Variants in AGMAT observed in about 807,000 individuals in gnomAD.
The protein encoded by AGMAT is agmatinase (putative), also known as guanidino acid hydrolase, mitochondrial.
Under a neutral mutation model 29.3 loss-of-function variants are expected in AGMAT, and 37 were observed. The ratio of observed to expected loss-of-function variants is 1.26; its 90% CI spans 0.97 to 1.66. The LOEUF (loss-of-function observed/expected upper bound fraction) is 1.66, where lower values mean the gene tolerates loss of function less well. Ranked by LOEUF, AGMAT falls within the 40% of genes most tolerant of loss-of-function variation. AGMAT has a pLI of 0.00. For missense variants in AGMAT, 498 were observed against 497.8 expected (o/e 1.00, Z 0.00); for synonymous variants, 199 against 200.8 (o/e 0.99, Z 0.08).
At chr1:15,576,312 G>A (rs1639036218) in intron 5 of AGMAT, among the ~76,000 whole-genome samples, 1 of 151,326 alleles carries the variant, frequency 6.6e-6, no homozygotes. Context: ...ATGTTAGGCT[G>A]GTCTCAAACT....
At position 15,581,643 on chromosome 1, in the gene AGMAT, G is replaced by A. The variant is rs548280562; in HGVS notation, c.476-1501C>T. 6.3e-5 allele frequency among the ~76,000 whole-genome samples: 6 copies of A among 94,564 alleles called. No individual in the cohort carries two copies. In the South Asian group the frequency reaches 1.5e-3, roughly 24 times the overall value. 62.0% of individuals were successfully genotyped at this position (94,564 alleles called of 152,430 possible). A position where few individuals can be genotyped will look rare whatever the true frequency, so the allele number is the denominator to read the frequency against. On this transcript the variant is annotated intron_variant, in intron 2 of 6. Transcript: ENST00000375826. Reference sequence around the variant, plus strand: ...TAATCCCAGCATTTTGGGAAGCTGAGGCGGCGGATCACCTGAGGTCAGGAG... The same window carrying A: ...TAATCCCAGCATTTTGGGAAGCTGAAGCGGCGGATCACCTGAGGTCAGGAG...
rs978562585 is a variant in AGMAT at position 15,571,978 on chromosome 1, C to A, written c.*1673G>T. On this transcript the variant is annotated 3_prime_UTR_variant, in exon 7 of 7. Coordinates refer to ENST00000375826, the MANE Select transcript of AGMAT (RefSeq NM_024758.5). ...TGGCCAACATGGTGAAACCCCGTCT[C>A]TACTAAAAATACAAAAATTAGCCGG... 1.3e-5 allele frequency among the ~76,000 whole-genome samples: 2 copies of A among 151,860 alleles called. No individual in the cohort carries two copies. Among genetic ancestry groups the A allele is most frequent in the African/African-American group, 2.4e-5 (1 of 41,382 alleles).
At position 15,573,522 on chromosome 1, in the gene AGMAT, G is replaced by A. The variant is rs868213035; in HGVS notation, c.*129C>T. 38 of 760,626 alleles carry A rather than the reference G, an allele frequency of 5.0e-5. No homozygotes were observed. In the Middle Eastern group the frequency reaches 3.3e-3, roughly 67 times the overall value. 47.1% of individuals were successfully genotyped at this position (760,626 alleles called of 1,614,324 possible). A position where few individuals can be genotyped will look rare whatever the true frequency, so the allele number is the denominator to read the frequency against. ...TTCTACTGATTATCCCGACTTCACA[G>A]CCAGCAATGACACTTTCAGCAGAAA... On this transcript the variant is annotated 3_prime_UTR_variant, in exon 7 of 7. Transcript: ENST00000375826.
chr1:15,584,119 G>A (rs1464067791), intron 1 of AGMAT, among the ~76,000 whole-genome samples: 1 of 152,200 alleles, frequency 6.6e-6, no homozygotes, highest in Non-Finnish European at 1.5e-5. Flanking sequence ...TGGGGACACA[G>A]AGAAGGTTCA....
At position 15,576,578 on chromosome 1, in the gene AGMAT, T is replaced by C. The variant is rs187833047; in HGVS notation, c.900+1107A>G. 4.1e-3 allele frequency among the ~76,000 whole-genome samples: 609 copies of C among 150,314 alleles called. 4 individuals are homozygous for C. The highest frequency in any genetic ancestry group is 0.014 in the African/African-American group (575 of 40,922). ...CCAAGTAGCTGGGATTACAGACGCC[T>C]GCCACCGTGCCGGGCTGATTTTTGT... is the stretch of plus-strand genomic sequence containing the variant. On this transcript the variant is annotated intron_variant, in intron 5 of 6. Transcript: ENST00000375826.
intron 2 of AGMAT, among the ~76,000 whole-genome samples, chr1:15,582,258 TTC>T (rs1340105684): frequency 2.6e-5 from 4 of 151,302 alleles, no homozygotes; most frequent in Non-Finnish European, 4.4e-5. Context: ...AAGAGTGAAA[TTC>T]TGTCTCAAAA....
rs1328008547 is a variant in AGMAT at position 15,583,058 on chromosome 1, C to T, written c.475+135G>A. Reference sequence around the variant, plus strand: ...CCCAGGGATTAAAATAAATGAATTACAATGCTCTCTTTCCTACTGTCTGCA... The same window carrying T: ...CCCAGGGATTAAAATAAATGAATTATAATGCTCTCTTTCCTACTGTCTGCA... On this transcript the variant is annotated intron_variant, in intron 2 of 6. Transcript: ENST00000375826. The T allele has an allele frequency of 5.6e-5, 42 of 751,060 alleles. 1 individual carries two copies. In the East Asian group the frequency reaches 1.1e-3, roughly 20 times the overall value. 46.5% of individuals were successfully genotyped at this position (751,060 alleles called of 1,614,324 possible). A position where few individuals can be genotyped will look rare whatever the true frequency, so the allele number is the denominator to read the frequency against.
chr1:15,574,741 C>T lies in AGMAT; in HGVS notation c.985+16G>A. On this transcript the variant is annotated intron_variant, in intron 6 of 6. Transcript: ENST00000375826. ...CTACCGGCTGCCCATGGATCTCAGT[C>T]TCTTTGCTTACTCACCAGAAAGATC... is the stretch of plus-strand genomic sequence containing the variant. The T allele has an allele frequency of 6.2e-7, 1 of 1,610,598 alleles. No homozygotes were observed. Among genetic ancestry groups the T allele is most frequent in the Non-Finnish European group, 8.5e-7 (1 of 1,177,002 alleles).
At chr1:15,584,673 G>A (rs766314020) in intron 1 of AGMAT, 23 bp downstream of exon 1, 3 of 1,297,986 alleles carry the variant, frequency 2.3e-6, no homozygotes, top group Non-Finnish European at 2.9e-6. Flanking sequence ...ACGTGTACCC[G>A]GCCCCCGTCC....
chr1:15,577,606 A>G, intron 5 of AGMAT, 79 bp downstream of exon 5: 1 of 1,401,354 alleles, frequency 7.1e-7, no homozygotes, highest in Non-Finnish European at 9.8e-7. Flanking sequence ...CCTGATTCCT[A>G]AAGATTCGCT....
chr1:15,580,086 A>G lies in AGMAT; in HGVS notation c.524+8T>C. 6.2e-7 allele frequency: 1 copy of G among 1,613,118 alleles called. No individual in the cohort carries two copies. Among genetic ancestry groups the G allele is most frequent in the Non-Finnish European group, 8.5e-7 (1 of 1,179,270 alleles). ...AATCTTGCTGGGCCCAAGCCATTTG[A>G]GACTTACTTTTTTGCCATCGCTTGC... On this transcript the variant is annotated splice_region_variant and intron_variant, in intron 3 of 6. Coordinates refer to ENST00000375826, the MANE Select transcript of AGMAT (RefSeq NM_024758.5).
intron 1 of AGMAT, 136 bp downstream of exon 1, chr1:15,584,560 G>A (rs1639158702): frequency 3.2e-6 from 3 of 945,786 alleles, no homozygotes; most frequent in African/African-American, 3.4e-5. Context: ...CAAACCATAA[G>A]GGGCATTTTG....
intron 4 of AGMAT, among the ~76,000 whole-genome samples, 196 bp downstream of exon 4, chr1:15,578,663 G>A (rs893079534): frequency 2.0e-5 from 3 of 151,972 alleles, no homozygotes; most frequent in Non-Finnish European, 2.9e-5. Flanking sequence ...CCCGCCCAGC[G>A]ATAGACTTCC....
rs768350284 is a variant in AGMAT, at chr1:15,583,279, T to C, written c.389A>G (p.Asn130Ser). Residue 130 changes from asparagine to serine, a missense_variant, in exon 2 of 7, where the codon AAT becomes AGT. Transcript: ENST00000375826. ...MVADLGDVNV[N>S]LYNLQDSCRR... Reference sequence around the variant, plus strand: ...GCAGCTGTCCTGAAGGTTGTAAAGATTGACATTCACATCGCCTAGGTCTGC... The same window carrying C: ...GCAGCTGTCCTGAAGGTTGTAAAGACTGACATTCACATCGCCTAGGTCTGC... 9 of 1,614,012 alleles carry C rather than the reference T, an allele frequency of 5.6e-6. No homozygotes were observed. The highest frequency in any genetic ancestry group is 2.7e-5 in the African/African-American group (2 of 74,904).
intron 5 of AGMAT, chr1:15,576,077 A>C (rs1311393643): frequency 6.6e-6 from 1 of 150,842 alleles, no homozygotes; most frequent in Non-Finnish European, 1.5e-5. Flanking sequence ...CTTTTATTTA[A>C]ATTTAACCCT....
rs760183251 is a variant in AGMAT, at chr1:15,578,907, G to A, written c.672C>T (p.Ile224=). Residue 224 remains isoleucine, a synonymous_variant, in exon 4 of 7, where the codon ATC becomes ATT. Coordinates refer to ENST00000375826, the MANE Select transcript of AGMAT (RefSeq NM_024758.5). ...GATCCAAGGTCGTGGAAGAGCCCCGGATGCCAATCTGCACCACACGCTTAC... is the reference window on the plus strand; with the variant it reads ...GATCCAAGGTCGTGGAAGAGCCCCGAATGCCAATCTGCACCACACGCTTAC... The part of the protein sequence containing the change: ...LDCKRVVQIG[I]RGSSTTLDPY... 1 of 1,614,144 alleles carries A rather than the reference G, an allele frequency of 6.2e-7. No individual in the cohort carries two copies. The highest frequency in any genetic ancestry group is 8.5e-7 in the Non-Finnish European group (1 of 1,180,024).
In AGMAT at chr1:15,583,274, A is replaced by G. The variant is rs969611360; in HGVS notation, c.394T>C (p.Tyr132His). The change falls in exon 2 of 7, where the codon TAC (tyrosine) becomes CAC (histidine). Residue 132 changes from tyrosine to histidine, a missense_variant. By Grantham distance (83) the Tyr-to-His change is moderately conservative. Transcript: ENST00000375826. ...CGCCGGCAGCTGTCCTGAAGGTTGT[A>G]AAGATTGACATTCACATCGCCTAGG... ...ADLGDVNVNL[Y>H]NLQDSCRRIQ... The G allele has an allele frequency of 9.3e-6, 15 of 1,614,046 alleles. No individual in the cohort carries two copies. The Admixed American group carries it at 2.5e-4, about 27-fold the overall frequency.
chr1:15,577,942 C>A (rs1484398602), intron 4 of AGMAT, 78 bp from the exon 5 acceptor site: 6 of 1,407,984 alleles, frequency 4.3e-6, no homozygotes, highest in East Asian at 2.4e-5. Flanking sequence ...ATGCTCAGCT[C>A]TGTGTGCACA....
intron 2 of AGMAT, among the ~76,000 whole-genome samples, chr1:15,582,179 T>C (rs1639124692): frequency 6.9e-6 from 1 of 144,290 alleles, no homozygotes; most frequent in Non-Finnish European, 1.5e-5. Context: ...TGAGACAGAA[T>C]TGCTTGAACC....
Sources: allele counts gnomAD v4.1 joint callset (sites outside exome capture counted in the v4.1 genomes callset), GRCh38; gene constraint gnomAD v4.1.1; transcripts MANE v1.5; gene names NCBI Gene and HGNC (gene_info 2026-07-23, HGNC 2026-07-21).